LYPD5: variants seen among roughly 807,000 people sequenced by gnomAD.
LYPD5 encodes the protein ly6/PLAUR domain-containing protein 5.
A neutral mutation model predicts 19.1 loss-of-function variants in LYPD5; 21 were observed. The observed-to-expected ratio is 1.10, with a 90% CI of 0.78 to 1.58. The LOEUF is 1.58. LYPD5 is among the 40% of genes most tolerant of loss of function. The pLI is 0.00. For synonymous variants in LYPD5, 128 were observed against 142.7 expected (o/e 0.90, Z 0.74); for missense variants, 287 against 329.8 (o/e 0.87, Z 1.00).
At position 43,798,880 on chromosome 19, in the gene LYPD5, C is replaced by T. The variant is rs374932106; in HGVS notation, c.302G>A (p.Arg101His). Reference sequence around the variant, plus strand: ...GTTGCATTTGTCAGTTGTGCAGCCGCGCACCACCGAGTAGTCTGGCGGCAG... The same window carrying T: ...GTTGCATTTGTCAGTTGTGCAGCCGTGCACCACCGAGTAGTCTGGCGGCAG... ...DALPPDYSVV[R>H]GCTTDKCNAH... Residue 101 changes from arginine (R) to histidine (H), a missense_variant, in exon 3 of 5, where the codon CGC becomes CAC. Physicochemically the swap from Arg to His is conservative, Grantham distance 29. Transcript: ENST00000377950. The T allele has an allele frequency of 6.2e-6, 10 of 1,607,212 alleles. No individual in the cohort carries two copies. The highest frequency in any genetic ancestry group is 2.2e-5 in the East Asian group (1 of 44,606).
At position 43,818,460 on chromosome 19, in the gene LYPD5, A is replaced by AAG. The variant is rs1231800886; in HGVS notation, c.-66+2078_-66+2079dup. ...GTTTTAAGACCACCTAGCTGAGGAG[A>AAG]AGAAGGGAGGTGAATTCATCCACTG... is the stretch of plus-strand genomic sequence containing the variant. On this transcript the variant is annotated intron_variant, in intron 1 of 4. Transcript: ENST00000414615. 2.6e-5 allele frequency among the ~76,000 whole-genome samples: 4 copies of AAG among 152,216 alleles called. No homozygotes were observed. In the East Asian group the frequency reaches 7.7e-4, roughly 29 times the overall value.
At chr19:43,816,702 G>A (rs541190485) in intron 1 of LYPD5, among the ~76,000 whole-genome samples, 3 of 152,136 alleles carry the variant, frequency 2.0e-5, no homozygotes, top group Admixed American at 1.3e-4. Context: ...TAAGTGATAC[G>A]GTTTGGCTGT....
intron 1 of LYPD5, among the ~76,000 whole-genome samples, chr19:43,814,793 T>C (rs1348353667): frequency 6.6e-6 from 1 of 152,218 alleles, no homozygotes; most frequent in Non-Finnish European, 1.5e-5. Context: ...TGTAACTCTT[T>C]TGTGCCATCT....
rs1970235458 is a variant in LYPD5, at chr19:43,802,386, A to T, written c.-6T>A. 6.4e-7 allele frequency: 1 copy of T among 1,551,358 alleles called. No homozygotes were observed. The highest frequency in any genetic ancestry group is 8.7e-7 in the Non-Finnish European group (1 of 1,146,876). The stretch of plus-strand genomic sequence containing the variant: ...CTGGGGACCCCCATTGCCATTGCTG[A>T]GCTGGGCCACCTGGGACAGCTCCTC... On this transcript the variant is annotated 5_prime_UTR_variant, in exon 1 of 5. Coordinates refer to ENST00000377950, the MANE Select transcript of LYPD5 (RefSeq NM_001031749.3).
chr19:43,814,685 C>G (rs1970355603), intron 1 of LYPD5, among the ~76,000 whole-genome samples: 1 of 152,184 alleles, frequency 6.6e-6, no homozygotes, highest in African/African-American at 2.4e-5. Flanking sequence ...CCTTAATATT[C>G]TACAGGAAAA....
At chr19:43,799,105 C>CTTACCTCA in intron 2 of LYPD5, 117 bp from the exon 3 acceptor site, 1 of 1,148,234 alleles carries the variant, frequency 8.7e-7, no homozygotes, top group South Asian at 1.6e-5. Context: ...CCCCTCCCTC[C>CTTACCTCA]TTCCCTCCTT....
Position 43,809,764 on chromosome 19 carries a change from A to G in LYPD5, c.-65-9930T>C, listed in dbSNP as rs527596639. 5.3e-5 allele frequency among the ~76,000 whole-genome samples: 8 copies of G among 152,358 alleles called. No individual in the cohort carries two copies. The South Asian group carries it at 1.7e-3, about 32-fold the overall frequency. On this transcript the variant is annotated intron_variant, in intron 1 of 4. Coordinates refer to the LYPD5 transcript ENST00000414615. ...AGTAAATAATTAGATGAAAATATGA[A>G]CTGCAATATGAAATACTGAATACAG...
chr19:43,813,331 T>G (rs1970342850), intron 1 of LYPD5, among the ~76,000 whole-genome samples: 1 of 152,176 alleles, frequency 6.6e-6, no homozygotes, highest in South Asian at 2.1e-4. Flanking sequence ...TCGCTCTCTC[T>G]CTTGCCATGT....
Position 43,798,595 on chromosome 19 carries a change from T to A in LYPD5, c.377A>T (p.Asp126Val). Reference protein sequence around the residue: ...DALPNLSQAPDPPTLSGAECY... With the variant: ...DALPNLSQAPVPPTLSGAECY... ...CTCGGCGCCGCTGAGCGTCGGCGGG[T>A]CGGGTGCTGGCAAGAGAGCGTAGAT... Residue 126 changes from aspartate (D) to valine (V), a missense_variant, in exon 4 of 5, where the codon GAC becomes GTC. Coordinates refer to ENST00000377950, the MANE Select transcript of LYPD5 (RefSeq NM_001031749.3). The A allele has an allele frequency of 1.2e-6, 2 of 1,609,862 alleles. No individual in the cohort carries two copies. The highest frequency in any genetic ancestry group is 1.7e-6 in the Non-Finnish European group (2 of 1,179,988).
chr19:43,808,348 C>T (rs1004350705), intron 1 of LYPD5, among the ~76,000 whole-genome samples: 6 of 152,312 alleles, frequency 3.9e-5, no homozygotes, highest in Non-Finnish European at 5.9e-5. Context: ...CCAACTGATC[C>T]ACTGGCCTCA....
chr19:43,809,309 T>C (rs1970298904), intron 1 of LYPD5, among the ~76,000 whole-genome samples: 1 of 152,122 alleles, frequency 6.6e-6, no homozygotes, highest in Non-Finnish European at 1.5e-5. Flanking sequence ...AGTGCTGGGA[T>C]TACATGTGTG....
upstream of LYPD5, among the ~76,000 whole-genome samples, chr19:43,804,425 C>T (rs967995888): frequency 1.1e-5 from 1 of 92,056 alleles, no homozygotes; most frequent in Non-Finnish European, 2.5e-5. Context: ...TGGACACATC[C>T]CATTGACCCA....
At chr19:43,806,079 C>T (rs1039683922), upstream of LYPD5, among the ~76,000 whole-genome samples, 3 of 152,142 alleles carry the variant, frequency 2.0e-5, no homozygotes, top group Admixed American at 1.3e-4. Flanking sequence ...CCCCAACCCC[C>T]GGGGCCTGGT....
intron 1 of LYPD5, 57 bp from the exon 2 acceptor site, chr19:43,799,891 T>C: frequency 6.5e-7 from 1 of 1,539,818 alleles, no homozygotes; most frequent in African/African-American, 1.4e-5. Flanking sequence ...TCCCAGGAAC[T>C]CAGAGCTCCA....
intron 1 of LYPD5, among the ~76,000 whole-genome samples, chr19:43,811,041 A>G (rs934840386): frequency 1.3e-5 from 2 of 152,232 alleles, no homozygotes; most frequent in Non-Finnish European, 2.9e-5. Flanking sequence ...GCTTTAAAAT[A>G]TGTTCATAAA....
intron 1 of LYPD5, among the ~76,000 whole-genome samples, chr19:43,810,972 A>G (rs936772497): frequency 6.6e-6 from 1 of 152,064 alleles, no homozygotes; most frequent in African/African-American, 2.4e-5. Context: ...TATATACCAG[A>G]CCACCCACAG....
In LYPD5 at chr19:43,798,849, G is replaced by T; in HGVS notation, c.333C>A (p.His111Gln). ...TGGGGAGGGCGTCATGAGTCATGAG[G>T]TGGGCGTTGCATTTGTCAGTTGTGC... ...RGCTTDKCNA[H>Q]LMTHDALPNL... Residue 111 changes from histidine to glutamine, a missense_variant, in exon 3 of 5, where the codon CAC becomes CAA. Coordinates refer to ENST00000377950, the MANE Select transcript of LYPD5 (RefSeq NM_001031749.3). 1 of 1,611,212 alleles carries T rather than the reference G, an allele frequency of 6.2e-7. No individual in the cohort carries two copies. Among genetic ancestry groups the T allele is most frequent in the Non-Finnish European group, 8.5e-7 (1 of 1,178,842 alleles).
Position 43,797,606 on chromosome 19 carries a change from C to T in LYPD5, c.741G>A (p.Val247=). ...LALLLPVLLL[V]GLSA ...GAGGGGCGGTCTATGCTGAGAGCCCCACCAGCAGGAGGACTGGGAGGAGCA... is the reference window on the plus strand; with the variant it reads ...GAGGGGCGGTCTATGCTGAGAGCCCTACCAGCAGGAGGACTGGGAGGAGCA... The change falls in exon 5 of 5, where the codon GTG becomes GTA. Residue 247 remains valine (V), a synonymous_variant. Coordinates refer to ENST00000377950, the MANE Select transcript of LYPD5 (RefSeq NM_001031749.3). 1 of 1,605,462 alleles carries T rather than the reference C, an allele frequency of 6.2e-7. No individual in the cohort carries two copies.
At chr19:43,806,777 G>T (rs1404765998), upstream of LYPD5, among the ~76,000 whole-genome samples, 7 of 152,118 alleles carry the variant, frequency 4.6e-5, no homozygotes, top group Non-Finnish European at 1.0e-4. Context: ...AATAATAATA[G>T]AAATAAAACG....
Sources: gnomAD v4.1 joint callset for allele counts (sites outside exome capture counted in the v4.1 genomes callset) on GRCh38, gnomAD v4.1.1 for gene constraint, MANE v1.5 for transcripts, NCBI Gene and HGNC (gene_info 2026-07-23, HGNC 2026-07-21) for gene names.